STMN3: variants seen among roughly 807,000 people sequenced by gnomAD.
The protein encoded by STMN3 is stathmin-3.
Under a neutral mutation model 23.2 loss-of-function variants are expected in STMN3, and 24 were observed. That is an observed-to-expected ratio of 1.03 (90% CI 0.75 to 1.45). The LOEUF (loss-of-function observed/expected upper bound fraction) is 1.45, where lower values mean the gene tolerates loss of function less well. Among genes scored for constraint, STMN3 ranks in the 40% most tolerant of loss-of-function variants. The probability of loss-of-function intolerance (pLI) is 0.00; values close to 1 mark genes in which losing one functional copy is unlikely to be tolerated. For synonymous variants in STMN3, 117 were observed against 103.4 expected, an observed-to-expected ratio of 1.13 and a Z score of -0.80; for missense variants, 235 against 237.6, an observed-to-expected ratio of 0.99 and a Z score of 0.07.
At chr20:63,641,436 G>A (rs1337806216) in intron 4 of STMN3, 39 bp from the exon 5 acceptor site, 1 of 1,522,620 alleles carries the variant, frequency 6.6e-7, no homozygotes. Context: ...GGGCGGGGGT[G>A]GCTTGGGGCG....
chr20:63,652,475 C>T lies in STMN3; in HGVS notation c.19+852G>A. The T allele has an allele frequency of 2.6e-6, 2 of 761,818 alleles. No individual in the cohort carries two copies. Among genetic ancestry groups the T allele is most frequent in the Non-Finnish European group, 3.2e-6 (2 of 625,380 alleles). 47.2% of individuals were successfully genotyped at this position (761,818 alleles called of 1,614,324 possible). ...CCTCGCGCCCGAGGTCGCCCGGCAGCTCCCCTGCGTCCAGAATCCGCCCCC... is the reference window on the plus strand; with the variant it reads ...CCTCGCGCCCGAGGTCGCCCGGCAGTTCCCCTGCGTCCAGAATCCGCCCCC... On this transcript the variant is annotated intron_variant, in intron 1 of 4. Transcript: ENST00000370053. The surrounding 1 kb of genome is among the most constrained non-coding windows in gnomAD (Gnocchi z 5.3).
intron 1 of STMN3, among the ~76,000 whole-genome samples, chr20:63,645,790 T>TA (rs559606352): frequency 3.5e-4 from 53 of 152,040 alleles, no homozygotes; most frequent in Non-Finnish European, 5.1e-4. Context: ...CGATCTCTAC[T>TA]AAAAATATAA....
At chr20:63,643,965 C>T in intron 2 of STMN3, 34 bp from the exon 3 acceptor site, 3 of 1,583,748 alleles carry the variant, frequency 1.9e-6, no homozygotes, top group Non-Finnish European at 2.6e-6. Context: ...GCTTCAGAGG[C>T]CCGGCCAGGG....
chr20:63,647,774 A>G (rs2089823957), intron 1 of STMN3, among the ~76,000 whole-genome samples: 1 of 126,406 alleles, frequency 7.9e-6, no homozygotes, highest in African/African-American at 2.8e-5. Context: ...ACATATATAC[A>G]CGTGTATATA....
intron 1 of STMN3, among the ~76,000 whole-genome samples, chr20:63,648,986 G>A (rs565659988): frequency 5.3e-5 from 8 of 152,184 alleles, no homozygotes; most frequent in African/African-American, 9.6e-5. Flanking sequence ...CGGTGGGGAC[G>A]CAGGTCAGAC....
Position 63,647,675 on chromosome 20 carries a change from G to GTATATATACACATGTATATATATAA in STMN3, c.20-3367_20-3366insTTATATATATACATGTGTATATATA, listed in dbSNP as rs1569069776. Among the ~76,000 whole-genome samples, 17 of 98,346 alleles carry GTATATATACACATGTATATATATAA rather than the reference G, an allele frequency of 1.7e-4. No individual in the cohort carries two copies. The Admixed American group carries it at 2.0e-3, about 12-fold the overall frequency. 64.5% of individuals were successfully genotyped at this position (98,346 alleles called of 152,430 possible). A position where few individuals can be genotyped will look rare whatever the true frequency, so the allele number is the denominator to read the frequency against. On this transcript the variant is annotated intron_variant, in intron 1 of 4. Transcript: ENST00000370053. ...ATGTATATATATAATATATATATAC[G>GTATATATACACATGTATATATATAA]TATATATACACGTGTATATATATAA...
chr20:63,646,170 G>T (rs1569069197), intron 1 of STMN3, among the ~76,000 whole-genome samples: 1 of 152,056 alleles, frequency 6.6e-6, no homozygotes, highest in Admixed American at 6.6e-5. Context: ...CCAAGAGGGT[G>T]TAAGGAGGAG....
Position 63,640,365 on chromosome 20 carries a change from T to G in STMN3, c.*973A>C, listed in dbSNP as rs4063526. The G allele has an allele frequency of 6.6e-6, 1 of 152,244 alleles. No homozygotes were observed. The allele number at this position is 152,244 out of a possible 1,614,324, so 9.4% of individuals were successfully genotyped here. On this transcript the variant is annotated 3_prime_UTR_variant, in exon 5 of 5. Transcript: ENST00000370053. ...TCTGGGTGCCAAGTGGGAAGGGTGT[T>G]GGGGCTGGCTTGGGAACCTTACCCG...
chr20:63,642,121 C>G lies in STMN3; in HGVS notation c.470G>C (p.Arg157Pro), dbSNP rs947684844. Residue 157 changes from arginine to proline, a missense_variant, in exon 4 of 5, where the codon CGG becomes CCG. Coordinates refer to ENST00000370053, the MANE Select transcript of STMN3 (RefSeq NM_015894.4). ...REAHLAALRE[R>P]LREKELHAAE... ...CCGCCCCCGCACCTTCTCGCGCAGC[C>G]GCTCGCGCAGTGCGGCCAGGTGTGC... 2.8e-6 allele frequency: 4 copies of G among 1,442,906 alleles called. No individual in the cohort carries two copies. Among genetic ancestry groups the G allele is most frequent in the South Asian group, 1.2e-5 (1 of 81,996 alleles). The allele number at this position is 1,442,906 out of a possible 1,614,324, so 89.4% of individuals were successfully genotyped here.
In STMN3 at chr20:63,652,791, C is replaced by G. The variant is rs945634355; in HGVS notation, c.19+536G>C. On this transcript the variant is annotated intron_variant, in intron 1 of 4. Coordinates refer to ENST00000370053, the MANE Select transcript of STMN3 (RefSeq NM_015894.4). This position sits in a 1 kb window ranked among gnomAD's most constrained non-coding sequence, Gnocchi z 5.3. ...TGGGGGGAGGGCGCGGTCCCCCTCA[C>G]TCCGGGCTCCGCCGTGTCTGGCCCG... 41 of 985,492 alleles carry G rather than the reference C, an allele frequency of 4.2e-5. No homozygotes were observed. The African/African-American group carries it at 6.3e-4, about 15-fold the overall frequency. 61.0% of individuals were successfully genotyped at this position (985,492 alleles called of 1,614,324 possible). A position where few individuals can be genotyped will look rare whatever the true frequency, so the allele number is the denominator to read the frequency against.
intron 1 of STMN3, among the ~76,000 whole-genome samples, chr20:63,645,578 A>C (rs1330093210): frequency 6.6e-6 from 1 of 152,214 alleles, no homozygotes. Flanking sequence ...CACAGTGAAA[A>C]TAATTTAGCT....
intron 1 of STMN3, among the ~76,000 whole-genome samples, chr20:63,650,117 C>G (rs574523858): frequency 3.4e-5 from 3 of 87,226 alleles, no homozygotes; most frequent in East Asian, 5.5e-4. Flanking sequence ...CGTGAGCCCC[C>G]GCGCCTGGCC....
chr20:63,645,639 G>A (rs564076021), intron 1 of STMN3, among the ~76,000 whole-genome samples: 1 of 152,140 alleles, frequency 6.6e-6, no homozygotes, highest in Admixed American at 6.6e-5. Context: ...ACGCTGGCCC[G>A]GTTTCTCACT....
At chr20:63,643,613 G>T in intron 3 of STMN3, 143 bp downstream of exon 3, 1 of 1,355,966 alleles carries the variant, frequency 7.4e-7, no homozygotes, top group Non-Finnish European at 9.4e-7. Context: ...CTCAGAAAGA[G>T]GCCCAGGGAG....
chr20:63,653,378 G>A lies in STMN3; in HGVS notation c.-33C>T. On this transcript the variant is annotated 5_prime_UTR_variant, in exon 1 of 5. Coordinates refer to ENST00000370053, the MANE Select transcript of STMN3 (RefSeq NM_015894.4). Reference sequence around the variant, plus strand: ...GCGGCGGTTGGGCCTGCGGAGGCTGGAGAGGCGCAAGTGGCGGCCGGAGCT... The same window carrying A: ...GCGGCGGTTGGGCCTGCGGAGGCTGAAGAGGCGCAAGTGGCGGCCGGAGCT... The A allele has an allele frequency of 2.0e-6, 3 of 1,533,852 alleles. No homozygotes were observed. The highest frequency in any genetic ancestry group is 2.6e-6 in the Non-Finnish European group (3 of 1,139,404).
intron 3 of STMN3, 23 bp downstream of exon 3, chr20:63,643,733 G>T (rs1246479005): frequency 2.0e-6 from 3 of 1,514,210 alleles, no homozygotes; most frequent in East Asian, 2.5e-5. Context: ...CTCCTGGGGG[G>T]TGGGGGATGG....
At position 63,653,309 on chromosome 20, in the gene STMN3, C is replaced by A. The variant is rs755057311; in HGVS notation, c.19+18G>T. ...TCAGATCCCGCCGCCCCACAAAGCCCGTGGCCCCGGAGCCTACCGGAAATG... is the reference window on the plus strand; with the variant it reads ...TCAGATCCCGCCGCCCCACAAAGCCAGTGGCCCCGGAGCCTACCGGAAATG... On this transcript the variant is annotated intron_variant, in intron 1 of 4. Coordinates refer to ENST00000370053, the MANE Select transcript of STMN3 (RefSeq NM_015894.4). 6 of 1,546,108 alleles carry A rather than the reference C, an allele frequency of 3.9e-6. No individual in the cohort carries two copies. In the African/African-American group the frequency reaches 8.3e-5, roughly 21 times the overall value.
At chr20:63,649,804 A>C (rs148076696) in intron 1 of STMN3, among the ~76,000 whole-genome samples, 1,562 of 146,566 alleles carry the variant, frequency 0.011, 20 homozygotes, top group African/African-American at 0.038. Context: ...TGCTGGGATT[A>C]CAGGTGTGAG....
chr20:63,643,590 C>T, intron 3 of STMN3, 166 bp downstream of exon 3: 1 of 973,718 alleles, frequency 1.0e-6, no homozygotes, highest in South Asian at 4.7e-5. Flanking sequence ...CTCTCCCCAT[C>T]CCATTCTTAT....
Sources: gnomAD v4.1 joint callset for allele counts (sites outside exome capture counted in the v4.1 genomes callset) on GRCh38, gnomAD v4.1.1 for gene constraint, Gnocchi (gnomAD v3.1) non-coding constraint, MANE v1.5 for transcripts, NCBI Gene and HGNC (gene_info 2026-07-23, HGNC 2026-07-21) for gene names.